Variants in SLC7A1 observed in about 807,000 individuals in gnomAD.
SLC7A1 encodes the protein high affinity cationic amino acid transporter 1.
A neutral mutation model predicts 53.9 loss-of-function variants in SLC7A1; 10 were observed. The ratio of observed to expected loss-of-function variants is 0.19; its 90% CI spans 0.11 to 0.31. SLC7A1 has a LOEUF of 0.31. Ranked by LOEUF, SLC7A1 falls within the 10% of genes least tolerant of loss-of-function variation. The probability of loss-of-function intolerance (pLI) is 1.00; values close to 1 mark genes in which losing one functional copy is unlikely to be tolerated. For synonymous variants in SLC7A1, 342 were observed against 338.7 expected (o/e 1.01, Z -0.11); for missense variants, 525 against 827.2 (o/e 0.63, Z 4.48).
At chr13:29,560,779 C>T (rs1870721748) in intron 1 of SLC7A1, among the ~76,000 whole-genome samples, 1 of 152,026 alleles carries the variant, frequency 6.6e-6, no homozygotes, top group Non-Finnish European at 1.5e-5. Flanking sequence ...CTACGATCAA[C>T]CAAAACATCA....
At chr13:29,547,460 G>A (rs1284227418) in intron 2 of SLC7A1, among the ~76,000 whole-genome samples, 1 of 152,108 alleles carries the variant, frequency 6.6e-6, no homozygotes, top group Non-Finnish European at 1.5e-5. Flanking sequence ...TAAAGCAGAT[G>A]GATTACGTGT....
At chr13:29,545,738 C>G (rs533574534) in intron 2 of SLC7A1, among the ~76,000 whole-genome samples, 1 of 152,310 alleles carries the variant, frequency 6.6e-6, no homozygotes. Context: ...TTCATCGAAA[C>G]TTTGCCACAG....
At chr13:29,560,420 T>C (rs933482701) in intron 1 of SLC7A1, among the ~76,000 whole-genome samples, 2 of 151,534 alleles carry the variant, frequency 1.3e-5, no homozygotes, top group Non-Finnish European at 2.9e-5. Flanking sequence ...AATAGTATAG[T>C]AAATACCTAG....
chr13:29,582,940 C>T (rs1274440143), intron 1 of SLC7A1, among the ~76,000 whole-genome samples: 4 of 152,218 alleles, frequency 2.6e-5, no homozygotes, highest in Non-Finnish European at 5.9e-5. Flanking sequence ...GAAGGAGTAA[C>T]AGTCATAATG....
At chr13:29,553,022 G>A (rs529307961) in intron 2 of SLC7A1, among the ~76,000 whole-genome samples, 2 of 152,050 alleles carry the variant, frequency 1.3e-5, no homozygotes, top group South Asian at 2.1e-4. Flanking sequence ...AGCCTTGACC[G>A]CCCCCCTGCC....
intron 2 of SLC7A1, among the ~76,000 whole-genome samples, chr13:29,550,919 G>A (rs1870151636): frequency 6.6e-6 from 1 of 152,236 alleles, no homozygotes; most frequent in Non-Finnish European, 1.5e-5. Context: ...TCCTTGGGGG[G>A]CTAAGAACCA....
rs547188937 is a variant in SLC7A1, at chr13:29,576,868, T to C, written c.-115+18548A>G. On this transcript the variant is annotated intron_variant, in intron 1 of 12. Coordinates refer to ENST00000380752, the MANE Select transcript of SLC7A1 (RefSeq NM_003045.5). ...CAGAGGAAGGCCTGCAGCAGGTTCCTACAGCCGGTCAGCACCAGAGACCAG... is the reference window on the plus strand; with the variant it reads ...CAGAGGAAGGCCTGCAGCAGGTTCCCACAGCCGGTCAGCACCAGAGACCAG... Among the ~76,000 whole-genome samples, 13 of 152,298 alleles carry C rather than the reference T, an allele frequency of 8.5e-5. No homozygotes were observed. The South Asian group carries it at 2.5e-3, about 29-fold the overall frequency.
intron 5 of SLC7A1, among the ~76,000 whole-genome samples, chr13:29,525,890 T>A (rs1169404977): frequency 6.6e-6 from 1 of 152,012 alleles, no homozygotes; most frequent in African/African-American, 2.4e-5. Flanking sequence ...AGGGCTGGAG[T>A]GGAGCTGTGC....
chr13:29,524,012 T>A, intron 6 of SLC7A1, 120 bp downstream of exon 6: 1 of 929,432 alleles, frequency 1.1e-6, no homozygotes, highest in Non-Finnish European at 1.7e-6. Flanking sequence ...CAAATCTACA[T>A]GTTGCTCATG....
At chr13:29,583,386 G>A (rs1340989105) in intron 1 of SLC7A1, among the ~76,000 whole-genome samples, 2 of 152,242 alleles carry the variant, frequency 1.3e-5, no homozygotes, top group Admixed American at 6.5e-5. Flanking sequence ...CCTCCCCAGG[G>A]TGGAATCGTG....
intron 1 of SLC7A1, among the ~76,000 whole-genome samples, chr13:29,589,272 G>T (rs184811798): frequency 6.6e-6 from 1 of 152,248 alleles, no homozygotes; most frequent in Admixed American, 6.5e-5. Context: ...TTTCCCCTAC[G>T]AACAGTCTCT....
rs1460756154 is a variant in SLC7A1, at chr13:29,512,219, G to T, written c.*2261C>A. 2 of 152,196 alleles carry T rather than the reference G, an allele frequency of 1.3e-5. No homozygotes were observed. The highest frequency in any genetic ancestry group is 6.5e-5 in the Admixed American group (1 of 15,284). 9.4% of individuals were successfully genotyped at this position (152,196 alleles called of 1,614,324 possible). A position where few individuals can be genotyped will look rare whatever the true frequency, so the allele number is the denominator to read the frequency against. On this transcript the variant is annotated 3_prime_UTR_variant, in exon 13 of 13. Coordinates refer to ENST00000380752, the MANE Select transcript of SLC7A1 (RefSeq NM_003045.5). ...AGGAAGCCCGTCCTCTAAGGAGGGG[G>T]CATGGGTCCCATCCCTGCCCAGCCT... is the stretch of plus-strand genomic sequence containing the variant.
At chr13:29,552,299 A>G (rs921982758) in intron 2 of SLC7A1, among the ~76,000 whole-genome samples, 1 of 151,798 alleles carries the variant, frequency 6.6e-6, no homozygotes, top group Non-Finnish European at 1.5e-5. Context: ...TTTTCCCTCT[A>G]TTTTTTGTGA....
chr13:29,570,808 T>C (rs540079894), intron 1 of SLC7A1, among the ~76,000 whole-genome samples: 14 of 150,432 alleles, frequency 9.3e-5, no homozygotes, highest in Admixed American at 7.3e-4. Flanking sequence ...CAGTGAGCCA[T>C]GATCATGCCA....
chr13:29,592,901 C>T (rs1872167087), intron 1 of SLC7A1, among the ~76,000 whole-genome samples: 3 of 152,088 alleles, frequency 2.0e-5, no homozygotes, highest in African/African-American at 7.2e-5. Flanking sequence ...CTCCATCCCA[C>T]AGGACAAGTC....
chr13:29,577,220 T>C (rs1871447059), intron 1 of SLC7A1, among the ~76,000 whole-genome samples: 1 of 152,064 alleles, frequency 6.6e-6, no homozygotes, highest in African/African-American at 2.4e-5. Context: ...CCCAGCCACT[T>C]TGTTGGTGAA....
intron 2 of SLC7A1, among the ~76,000 whole-genome samples, chr13:29,548,622 A>T (rs1445403919): frequency 6.6e-6 from 1 of 152,260 alleles, no homozygotes; most frequent in East Asian, 1.9e-4. Flanking sequence ...CGGAGGGGAA[A>T]AATACAGAGC....
intron 2 of SLC7A1, among the ~76,000 whole-genome samples, chr13:29,545,117 T>G (rs1477007922): frequency 6.6e-6 from 1 of 152,208 alleles, no homozygotes; most frequent in Non-Finnish European, 1.5e-5. Flanking sequence ...GTGAGGGTCT[T>G]TCTATCAAAA....
At chr13:29,546,703 C>T (rs1240632819) in intron 2 of SLC7A1, among the ~76,000 whole-genome samples, 2 of 152,152 alleles carry the variant, frequency 1.3e-5, no homozygotes, top group Admixed American at 1.3e-4. Flanking sequence ...CCCACCATCA[C>T]GAGCAACTTT....
Sources: allele counts gnomAD v4.1 joint callset (sites outside exome capture counted in the v4.1 genomes callset), GRCh38; gene constraint gnomAD v4.1.1; transcripts MANE v1.5; gene names NCBI Gene and HGNC (gene_info 2026-07-23, HGNC 2026-07-21).